IRAG2: variants seen among roughly 807,000 people sequenced by gnomAD.
The protein encoded by IRAG2 is inositol 1,4,5-triphosphate receptor associated 2.
Under a neutral mutation model 69.9 loss-of-function variants are expected in IRAG2, and 45 were observed. The observed-to-expected ratio is 0.64, with a 90% CI of 0.51 to 0.83. IRAG2 has a LOEUF of 0.83. Ranked by LOEUF, IRAG2 falls within the 40% of genes least tolerant of loss-of-function variation. The probability of loss-of-function intolerance (pLI) is 0.00; values close to 1 mark genes in which losing one functional copy is unlikely to be tolerated. For synonymous variants in IRAG2, 193 were observed against 202.4 expected (o/e 0.95, Z 0.40); for missense variants, 520 against 587.0 (o/e 0.89, Z 1.18).
chr12:25,022,367 A>G (rs774367856), intron 7 of IRAG2, among the ~76,000 whole-genome samples: 2 of 152,112 alleles, frequency 1.3e-5, no homozygotes, highest in Admixed American at 6.6e-5. Context: ...GGTGACACAC[A>G]CTTGTAATCC....
chr12:25,050,652 T>C (rs1024449175), upstream of IRAG2, among the ~76,000 whole-genome samples: 3 of 151,786 alleles, frequency 2.0e-5, no homozygotes, highest in Non-Finnish European at 4.4e-5. Context: ...ATAATTAAAA[T>C]CAGCACCTGG....
At chr12:25,040,325 T>C (rs538296533) in intron 16 of IRAG2, among the ~76,000 whole-genome samples, 124 of 152,200 alleles carry the variant, frequency 8.1e-4, no homozygotes, top group African/African-American at 2.9e-3. Context: ...CTGGGCAACA[T>C]AGCGAGACCC....
intron 1 of IRAG2, among the ~76,000 whole-genome samples, chr12:25,059,257 A>G (rs1156644198): frequency 7.4e-6 from 1 of 134,642 alleles, no homozygotes. Flanking sequence ...TTCTTAATAC[A>G]GTTAAGACAG....
upstream of IRAG2, among the ~76,000 whole-genome samples, chr12:25,001,224 G>A (rs1437952096): frequency 2.0e-5 from 3 of 152,048 alleles, no homozygotes; most frequent in Admixed American, 2.0e-4. Context: ...AAGTTTAGAA[G>A]ACAGTAGAAG....
chr12:25,079,231 CT>C lies in IRAG2; in HGVS notation c.25-8del. ...AAATTGTTGAACTTATGTCTCCTTT[CT>C]TTTTCCTTAAGGAGAATGGTGTTGA... is the stretch of plus-strand genomic sequence containing the variant. On this transcript the variant is annotated splice_polypyrimidine_tract_variant and intron_variant, in intron 6 of 21. Coordinates refer to ENST00000556887, the MANE Select transcript of IRAG2 (RefSeq NM_001366544.2). 1 of 1,613,740 alleles carries C rather than the reference CT, an allele frequency of 6.2e-7. No individual in the cohort carries two copies. Among genetic ancestry groups the C allele is most frequent in the Non-Finnish European group, 8.5e-7 (1 of 1,179,654 alleles).
At chr12:25,040,841 A>G (rs1683181) in intron 16 of IRAG2, among the ~76,000 whole-genome samples, 120,412 of 152,036 alleles carry the variant, frequency 0.79, 49,207 homozygotes, top group South Asian at 0.9. Context: ...CCAACCCCAG[A>G]TGATAAGCAA....
At chr12:25,020,179 G>A (rs1944566736) in intron 6 of IRAG2, among the ~76,000 whole-genome samples, 1 of 152,174 alleles carries the variant, frequency 6.6e-6, no homozygotes, top group African/African-American at 2.4e-5. Context: ...CTACAGGTAG[G>A]TAACTTCATG....
In IRAG2 at chr12:25,089,763, C is replaced by G; in HGVS notation, c.438C>G (p.Asn146Lys). ...ATATGTTTTTTGTCTTATCCTACAGCACTTCTGCTAATGAGAAGGAGGTGG... is the reference window on the plus strand; with the variant it reads ...ATATGTTTTTTGTCTTATCCTACAGGACTTCTGCTAATGAGAAGGAGGTGG... ...VKSVNLRQSE[N>K]TSANEKEVEA... The change falls in exon 13 of 22, where the codon AAC becomes AAG. Residue 146 changes from asparagine (N) to lysine (K), a missense_variant and splice_region_variant. Coordinates refer to ENST00000556887, the MANE Select transcript of IRAG2 (RefSeq NM_001366544.2). 6.2e-7 allele frequency: 1 copy of G among 1,613,294 alleles called. No homozygotes were observed. The highest frequency in any genetic ancestry group is 8.5e-7 in the Non-Finnish European group (1 of 1,179,932).
At chr12:25,019,959 T>C in intron 6 of IRAG2, among the ~76,000 whole-genome samples, 1 of 152,352 alleles carries the variant, frequency 6.6e-6, no homozygotes, top group East Asian at 1.9e-4. Flanking sequence ...AGTATGATTG[T>C]CTGTTTACCC....
chr12:25,001,112 T>A (rs1243828877), upstream of IRAG2, among the ~76,000 whole-genome samples: 1 of 152,182 alleles, frequency 6.6e-6, no homozygotes, highest in Non-Finnish European at 1.5e-5. Flanking sequence ...AAGTTAATCT[T>A]ATGCAGCTTT....
intron 8 of IRAG2, among the ~76,000 whole-genome samples, chr12:25,024,824 A>AT (rs1034802892): frequency 1.3e-5 from 2 of 152,216 alleles, no homozygotes; most frequent in African/African-American, 2.4e-5. Context: ...AATGTAAGAT[A>AT]TTTTTCTCCT....
At chr12:25,020,488 T>G (rs1944569319) in intron 6 of IRAG2, among the ~76,000 whole-genome samples, 1 of 152,172 alleles carries the variant, frequency 6.6e-6, no homozygotes, top group South Asian at 2.1e-4. Flanking sequence ...ATCTTCTTAG[T>G]AGGGGGAAAG....
chr12:25,015,047 A>C, intron 3 of IRAG2: 1 of 432,916 alleles, frequency 2.3e-6, no homozygotes, highest in East Asian at 3.7e-5. Flanking sequence ...TTTTTAACTC[A>C]GAAGGAATTA....
At chr12:25,075,521 C>CGTGTGT (rs747046833) in intron 6 of IRAG2, among the ~76,000 whole-genome samples, 1,437 of 139,352 alleles carry the variant, frequency 0.01, 16 homozygotes, top group East Asian at 0.065. Context: ...TGTGTGTATG[C>CGTGTGT]GTGTGTGTGT....
intron 3 of IRAG2, 149 bp downstream of exon 3, chr12:25,063,049 G>A (rs11047797): frequency 3.1e-5 from 12 of 391,152 alleles, no homozygotes; most frequent in East Asian, 7.2e-5. Context: ...CAACAGATAC[G>A]TGTTTTTGTA....
chr12:25,024,387 C>T (rs859125), intron 8 of IRAG2, among the ~76,000 whole-genome samples: 14,021 of 152,084 alleles, frequency 0.092, 1,007 homozygotes, highest in African/African-American at 0.21. Context: ...AGATAATTCA[C>T]GTGAAGCCAT....
the IRAG2 span, among the ~76,000 whole-genome samples, chr12:24,998,561 T>A: frequency 6.6e-6 from 1 of 152,190 alleles, no homozygotes; most frequent in Non-Finnish European, 1.5e-5. Context: ...TAAAGATGGG[T>A]TTCCTGGGAA....
intron 9 of IRAG2, 70 bp downstream of exon 9, chr12:25,079,833 T>C: frequency 2.2e-6 from 2 of 926,706 alleles, no homozygotes; most frequent in Non-Finnish European, 3.5e-6. Flanking sequence ...GCTAGTGAAG[T>C]AACTATCCAC....
intron 15 of IRAG2, among the ~76,000 whole-genome samples, chr12:25,037,175 C>T (rs1393722623): frequency 1.3e-5 from 2 of 152,120 alleles, no homozygotes; most frequent in African/African-American, 4.8e-5. Context: ...TTCATCTGTC[C>T]CTCACCTATT....
Sources: gnomAD v4.1 joint callset for allele counts (sites outside exome capture counted in the v4.1 genomes callset) on GRCh38, gnomAD v4.1.1 for gene constraint, MANE v1.5 for transcripts, NCBI Gene and HGNC (gene_info 2026-07-23, HGNC 2026-07-21) for gene names.